Variants in SNTG2 observed in about 807,000 individuals in gnomAD.
SNTG2 encodes the protein syntrophin gamma 2.
SNTG2 carries 74 observed loss-of-function variants against 70.9 expected under a neutral mutation model. That is an observed-to-expected ratio of 1.04 (90% confidence interval 0.86 to 1.27). The LOEUF is 1.27. Among genes scored for constraint, SNTG2 ranks in the 50% most tolerant of loss-of-function variants. SNTG2 has a pLI of 0.00. For synonymous variants in SNTG2, 278 were observed against 273.8 expected, an observed-to-expected ratio of 1.02 and a Z score of -0.15; for missense variants, 717 against 690.7, an observed-to-expected ratio of 1.04 and a Z score of -0.43.
At chr2:959,458 T>A (rs773113760) in intron 1 of SNTG2, among the ~76,000 whole-genome samples, 1 of 152,084 alleles carries the variant, frequency 6.6e-6, no homozygotes, top group African/African-American at 2.4e-5. Context: ...GCTTTTAGAT[T>A]TGTAATTTCC....
At position 1,031,528 on chromosome 2, in the gene SNTG2, ATTTT is replaced by A. The variant is rs745388505; in HGVS notation, c.73-51973_73-51970del. Among the ~76,000 whole-genome samples, 551 of 59,062 alleles carry A rather than the reference ATTTT, an allele frequency of 9.3e-3. 10 individuals are homozygous for A. Among genetic ancestry groups the A allele is most frequent in the Non-Finnish European group, 0.011 (346 of 31,804 alleles). The allele number at this position is 59,062 out of a possible 152,430, so 38.7% of individuals were successfully genotyped here. A position where few individuals can be genotyped will look rare whatever the true frequency, so the allele number is the denominator to read the frequency against. On this transcript the variant is annotated intron_variant, in intron 1 of 16. Coordinates refer to ENST00000308624, the MANE Select transcript of SNTG2 (RefSeq NM_018968.4). ...CATTGTTATATATATATATATATAT[ATTTT>A]TTTTTTTTTTTTTTTTGAGGCGAAA...
At chr2:1,302,436 C>T (rs1680494059) in intron 14 of SNTG2, among the ~76,000 whole-genome samples, 1 of 150,912 alleles carries the variant, frequency 6.6e-6, no homozygotes. Context: ...GGAAGGACCA[C>T]TGTGTATATA....
intron 1 of SNTG2, among the ~76,000 whole-genome samples, chr2:993,226 T>A (rs13031100): frequency 1.3e-4 from 7 of 54,600 alleles, no homozygotes; most frequent in African/African-American, 2.7e-4. Context: ...CCCTCCCCCC[T>A]CCCCCGACCC....
intron 1 of SNTG2, among the ~76,000 whole-genome samples, chr2:997,727 G>A (rs1661735683): frequency 6.6e-6 from 1 of 152,188 alleles, no homozygotes; most frequent in Non-Finnish European, 1.5e-5. Context: ...GGCTGAGTGG[G>A]GAGCCCAGGC....
At chr2:1,040,469 C>A (rs1045299488) in intron 1 of SNTG2, among the ~76,000 whole-genome samples, 1 of 152,328 alleles carries the variant, frequency 6.6e-6, no homozygotes, top group East Asian at 1.9e-4. Flanking sequence ...TCCAGCCCCA[C>A]CTTTGCACTG....
chr2:1,301,137 T>C (rs1680439775), intron 14 of SNTG2, among the ~76,000 whole-genome samples: 1 of 152,076 alleles, frequency 6.6e-6, no homozygotes, highest in Admixed American at 6.6e-5. Flanking sequence ...GTGACATGCA[T>C]GGAGTTCTCA....
At chr2:993,846 A>G (rs1661585945) in intron 1 of SNTG2, among the ~76,000 whole-genome samples, 1 of 152,044 alleles carries the variant, frequency 6.6e-6, no homozygotes, top group Admixed American at 6.5e-5. Context: ...TAATTGGATT[A>G]TTTATCTTTT....
intron 9 of SNTG2, among the ~76,000 whole-genome samples, chr2:1,231,123 G>T (rs1406114819): frequency 6.7e-6 from 1 of 149,108 alleles, no homozygotes; most frequent in South Asian, 2.2e-4. Context: ...GGGTCACTGC[G>T]AGGGTGAAAT....
intron 8 of SNTG2, among the ~76,000 whole-genome samples, chr2:1,201,886 A>G (rs1357992479): frequency 6.6e-6 from 1 of 152,072 alleles, no homozygotes; most frequent in East Asian, 1.9e-4. Context: ...AGGAGTGAAC[A>G]TGAAGCAAGA....
At chr2:1,112,631 G>A (rs1383601019) in intron 4 of SNTG2, among the ~76,000 whole-genome samples, 1 of 145,868 alleles carries the variant, frequency 6.9e-6, no homozygotes, top group East Asian at 1.9e-4. Flanking sequence ...AGTCCTTTGA[G>A]GAGAATCATG....
At chr2:1,291,787 A>G (rs1308758876) in intron 14 of SNTG2, among the ~76,000 whole-genome samples, 1 of 152,202 alleles carries the variant, frequency 6.6e-6, no homozygotes, top group African/African-American at 2.4e-5. Flanking sequence ...TGAAATCTCC[A>G]ACTTGTTTTT....
chr2:1,100,953 C>T (rs533243800), intron 4 of SNTG2, among the ~76,000 whole-genome samples: 39 of 125,730 alleles, frequency 3.1e-4, no homozygotes, highest in Middle Eastern at 4.3e-3. Flanking sequence ...GGTTGTAGCC[C>T]GTGTGCCCTC....
chr2:1,284,945 C>G (rs889250357), intron 14 of SNTG2, among the ~76,000 whole-genome samples: 3 of 151,118 alleles, frequency 2.0e-5, no homozygotes, highest in Non-Finnish European at 4.4e-5. Flanking sequence ...TTTTACAACT[C>G]TATATAAATA....
intron 8 of SNTG2, among the ~76,000 whole-genome samples, chr2:1,176,397 CATAACACAA>C (rs1671479722): frequency 7.9e-6 from 1 of 126,322 alleles, no homozygotes; most frequent in Non-Finnish European, 1.7e-5. Context: ...AACAAGCCCC[CATAACACAA>C]GTTTACCTAT....
chr2:1,104,915 T>C (rs1479455230), intron 4 of SNTG2, among the ~76,000 whole-genome samples: 7 of 152,178 alleles, frequency 4.6e-5, no homozygotes, highest in Non-Finnish European at 8.8e-5. Context: ...AGATAACATA[T>C]CTTCTTTTTA....
chr2:1,146,381 A>AC (rs34196374), intron 6 of SNTG2, among the ~76,000 whole-genome samples: 55,688 of 151,830 alleles, frequency 0.37, 11,001 homozygotes, highest in East Asian at 0.83. Context: ...GAACTACAAA[A>AC]TTGATGAAAG....
At chr2:1,207,440 A>G (rs1316540452) in intron 8 of SNTG2, among the ~76,000 whole-genome samples, 3 of 152,056 alleles carry the variant, frequency 2.0e-5, no homozygotes, top group Non-Finnish European at 4.4e-5. Flanking sequence ...GCCTTCAGAC[A>G]CATCTGTAGA....
rs566676330 is a variant in SNTG2 at position 1,312,714 on chromosome 2, T to C, written c.1378-3551T>C. Among the ~76,000 whole-genome samples, 8 of 152,296 alleles carry C rather than the reference T, an allele frequency of 5.3e-5. No homozygotes were observed. In the East Asian group the frequency reaches 1.5e-3, roughly 29 times the overall value. ...CTTCCCACACCGCAGCAAATTATGATTCTGTATTTAGAGCGATTGGTGCAG... is the reference window on the plus strand; with the variant it reads ...CTTCCCACACCGCAGCAAATTATGACTCTGTATTTAGAGCGATTGGTGCAG... On this transcript the variant is annotated intron_variant, in intron 15 of 16. Coordinates refer to ENST00000308624, the MANE Select transcript of SNTG2 (RefSeq NM_018968.4).
intron 1 of SNTG2, among the ~76,000 whole-genome samples, chr2:1,040,119 C>T (rs1003608905): frequency 2.6e-5 from 4 of 152,168 alleles, no homozygotes; most frequent in African/African-American, 4.8e-5. Context: ...TTTCCAGGCA[C>T]GCTTGTGGGG....
Sources: gnomAD v4.1 joint callset for allele counts (sites outside exome capture counted in the v4.1 genomes callset) on GRCh38, gnomAD v4.1.1 for gene constraint, MANE v1.5 for transcripts, NCBI Gene and HGNC (gene_info 2026-07-23, HGNC 2026-07-21) for gene names.